The following L3MBTL3 variants were observed in gnomAD, a reference collection of about 807,000 sequenced individuals.
The protein encoded by L3MBTL3 is L3MBTL histone methyl-lysine binding protein 3.
A neutral mutation model predicts 102.3 loss-of-function variants in L3MBTL3; 27 were observed. The ratio of observed to expected loss-of-function variants is 0.26; its 90% CI spans 0.19 to 0.36. L3MBTL3 has a LOEUF of 0.36. Ranked by LOEUF, L3MBTL3 falls within the 10% of genes least tolerant of loss-of-function variation. The probability of loss-of-function intolerance (pLI) is 1.00; values close to 1 mark genes in which losing one functional copy is unlikely to be tolerated. For synonymous variants in L3MBTL3, 340 were observed against 320.9 expected (o/e 1.06, Z -0.64); for missense variants, 798 against 955.3 (o/e 0.84, Z 2.17).
At chr6:130,068,249 T>TA in intron 11 of L3MBTL3, 81 bp from the exon 12 acceptor site, 2 of 699,614 alleles carry the variant, frequency 2.9e-6, no homozygotes, top group Non-Finnish European at 5.0e-6. Flanking sequence ...TTTGGCATGT[T>TA]AGAGATAAAA....
chr6:130,072,327 A>C (rs576134970), intron 13 of L3MBTL3, among the ~76,000 whole-genome samples: 21 of 152,148 alleles, frequency 1.4e-4, no homozygotes, highest in Non-Finnish European at 2.5e-4. Flanking sequence ...AAGTAAACAG[A>C]AAGATGTGTG....
intron 20 of L3MBTL3, among the ~76,000 whole-genome samples, chr6:130,121,547 C>T (rs1179619806): frequency 2.0e-5 from 3 of 152,074 alleles, no homozygotes; most frequent in East Asian, 1.9e-4. Flanking sequence ...TATTAACAGT[C>T]TCACATATTG....
At chr6:130,050,273 C>T (rs1781012957) in intron 5 of L3MBTL3, among the ~76,000 whole-genome samples, 1 of 152,218 alleles carries the variant, frequency 6.6e-6, no homozygotes, top group Admixed American at 6.5e-5. Context: ...GTGCCTGCAC[C>T]TACCTGCTCG....
chr6:130,062,802 CAA>C (rs80265849), intron 10 of L3MBTL3, among the ~76,000 whole-genome samples: 7 of 127,194 alleles, frequency 5.5e-5, no homozygotes, highest in Non-Finnish European at 6.8e-5. Context: ...TTTCATTATT[CAA>C]AAAAAAAAAA....
chr6:130,092,272 TA>T (rs112201918), intron 16 of L3MBTL3, among the ~76,000 whole-genome samples: 1 of 152,288 alleles, frequency 6.6e-6, no homozygotes, highest in African/African-American at 2.4e-5. Flanking sequence ...GGCTTTTTTT[TA>T]AATCATTTTC....
intron 10 of L3MBTL3, among the ~76,000 whole-genome samples, chr6:130,065,251 C>A (rs1169621165): frequency 5.9e-5 from 9 of 152,094 alleles, no homozygotes; most frequent in African/African-American, 1.9e-4. Context: ...AACATTTTGG[C>A]AAATATACCT....
intron 20 of L3MBTL3, among the ~76,000 whole-genome samples, chr6:130,122,564 G>T (rs1786303616): frequency 1.3e-5 from 2 of 152,200 alleles, no homozygotes; most frequent in African/African-American, 2.4e-5. Flanking sequence ...TTTGTAGCTT[G>T]CTTAGAACAG....
intron 18 of L3MBTL3, among the ~76,000 whole-genome samples, chr6:130,099,512 AC>A (rs1562310221): frequency 6.6e-6 from 1 of 152,198 alleles, no homozygotes; most frequent in African/African-American, 2.4e-5. Context: ...TCTGTACATA[AC>A]AGAACAAATA....
intron 10 of L3MBTL3, among the ~76,000 whole-genome samples, chr6:130,062,077 G>C (rs1377711120): frequency 1.3e-5 from 2 of 152,146 alleles, no homozygotes; most frequent in Non-Finnish European, 2.9e-5. Flanking sequence ...CTATAGAAGA[G>C]AAAGGGAATT....
intron 2 of L3MBTL3, 61 bp from the exon 3 acceptor site, chr6:130,042,624 T>G: frequency 1.0e-6 from 1 of 996,986 alleles, no homozygotes; most frequent in East Asian, 2.4e-5. Flanking sequence ...TAACGAGTAC[T>G]AAATTAAAAA....
At chr6:130,101,274 A>G (rs1443181122) in intron 18 of L3MBTL3, among the ~76,000 whole-genome samples, 4 of 152,158 alleles carry the variant, frequency 2.6e-5, no homozygotes, top group African/African-American at 7.2e-5. Context: ...TGAATTTTTA[A>G]TCATTTTTGG....
Position 130,082,896 on chromosome 6 carries a change from C to CT in L3MBTL3, c.1322-722dup, listed in dbSNP as rs1348953951. Among the ~76,000 whole-genome samples, 36 of 152,280 alleles carry CT rather than the reference C, an allele frequency of 2.4e-4. 1 individual carries two copies. Among genetic ancestry groups the CT allele is most frequent in the African/African-American group, 7.9e-4 (33 of 41,552 alleles). ...TTCCAATTCAAATCCAACACATCAG[C>CT]TTCATTCTGGTTTCCCTCAAACCTG... On this transcript the variant is annotated intron_variant, in intron 14 of 22. Transcript: ENST00000361794.
intron 19 of L3MBTL3, among the ~76,000 whole-genome samples, chr6:130,118,219 A>G (rs934524219): frequency 5.3e-5 from 8 of 152,200 alleles, no homozygotes; most frequent in Non-Finnish European, 1.2e-4. Flanking sequence ...TTTTGGTGTC[A>G]AGAAGAACGG....
intron 8 of L3MBTL3, among the ~76,000 whole-genome samples, chr6:130,055,643 CCTCTCTCTCCCTCCCTCCCTCT>C (rs762606482): frequency 0.49 from 37,909 of 77,674 alleles, 10,109 homozygotes; most frequent in East Asian, 0.72. Context: ...TCCCTCCCTC[CCTCTCTCTCCCTCCCTCCCTCT>C]CTCTCCCTCC....
chr6:130,098,697 TAG>T (rs1784501644), intron 18 of L3MBTL3, among the ~76,000 whole-genome samples: 1 of 152,052 alleles, frequency 6.6e-6, no homozygotes, highest in East Asian at 1.9e-4. Flanking sequence ...TCTTGTTTTA[TAG>T]ATGAGGAGAC....
intron 22 of L3MBTL3, 119 bp from the exon 23 acceptor site, chr6:130,139,491 C>A (rs1247252641): frequency 3.3e-6 from 3 of 896,294 alleles, no homozygotes; most frequent in African/African-American, 3.3e-5. Context: ...CACACGTGAA[C>A]TTCTCTGTGC....
chr6:130,063,720 A>C (rs1303802246), intron 10 of L3MBTL3, among the ~76,000 whole-genome samples: 1 of 152,182 alleles, frequency 6.6e-6, no homozygotes, highest in Non-Finnish European at 1.5e-5. Context: ...TCTTCTCTGT[A>C]AGGCAACATC....
At chr6:130,108,882 G>A (rs976054156) in intron 19 of L3MBTL3, among the ~76,000 whole-genome samples, 3 of 151,746 alleles carry the variant, frequency 2.0e-5, no homozygotes, top group Admixed American at 2.0e-4. Context: ...ACAGGCCCCC[G>A]TGTGTGATGT....
At chr6:130,082,668 T>C (rs1228053191) in intron 14 of L3MBTL3, among the ~76,000 whole-genome samples, 4 of 152,200 alleles carry the variant, frequency 2.6e-5, no homozygotes, top group East Asian at 1.9e-4. Context: ...TCTTCAAGGT[T>C]CCGTGCCTCT....
Sources: gnomAD v4.1 joint callset for allele counts (sites outside exome capture counted in the v4.1 genomes callset) on GRCh38, gnomAD v4.1.1 for gene constraint, MANE v1.5 for transcripts, NCBI Gene and HGNC (gene_info 2026-07-23, HGNC 2026-07-21) for gene names.